Variants in PEDS1 observed in about 807,000 individuals in gnomAD.
PEDS1 encodes CarF homolog.
PEDS1 carries 14 observed loss-of-function variants against 35.2 expected under a neutral mutation model. The ratio of observed to expected loss-of-function variants is 0.40; its 90% confidence interval spans 0.26 to 0.62. The LOEUF is 0.62. PEDS1 is among the 20% of genes least tolerant of loss of function. The probability of loss-of-function intolerance (pLI) is 0.44; values close to 1 mark genes in which losing one functional copy is unlikely to be tolerated. For synonymous variants in PEDS1, 152 were observed against 152.0 expected, an observed-to-expected ratio of 1.00 and a Z score of 0.00; for missense variants, 260 against 367.8, an observed-to-expected ratio of 0.71 and a Z score of 2.40.
chr20:50,145,106 G>A (rs1416834089), intron 1 of PEDS1, among the ~76,000 whole-genome samples: 1 of 152,032 alleles, frequency 6.6e-6, no homozygotes, highest in Non-Finnish European at 1.5e-5. Flanking sequence ...GGAGGCTGAG[G>A]CAAGAGAATC....
intron 5 of PEDS1, among the ~76,000 whole-genome samples, chr20:50,127,340 G>GTTTTTT (rs11471254): frequency 1.1e-4 from 10 of 87,184 alleles, no homozygotes; most frequent in Non-Finnish European, 1.4e-4. Context: ...GTGTTTTCTG[G>GTTTTTT]TTTTTTTTTT....
At chr20:50,142,833 T>C (rs1428124252) in intron 2 of PEDS1, among the ~76,000 whole-genome samples, 1 of 151,412 alleles carries the variant, frequency 6.6e-6, no homozygotes, top group Non-Finnish European at 1.5e-5. Flanking sequence ...GAGTGAGCCA[T>C]GTAGGTGAGA....
intron 5 of PEDS1, among the ~76,000 whole-genome samples, chr20:50,126,023 C>A (rs747122292): frequency 5.3e-5 from 8 of 152,100 alleles, no homozygotes; most frequent in Non-Finnish European, 1.0e-4. Context: ...CCATGACAGG[C>A]CACCCTCTTT....
At position 50,128,432 on chromosome 20, in the gene PEDS1, A is replaced by C. The variant is rs540958738; in HGVS notation, c.479-245T>G. Reference sequence around the variant, plus strand: ...TGGCATAAGCATGGCAATGGCTGGGAATGTAGACCGGAGTCAGCTGGAGCT... The same window carrying C: ...TGGCATAAGCATGGCAATGGCTGGGCATGTAGACCGGAGTCAGCTGGAGCT... On this transcript the variant is annotated intron_variant, in intron 4 of 5. Coordinates refer to ENST00000371652, the MANE Select transcript of PEDS1 (RefSeq NM_199129.4). This position sits in a 1 kb window ranked among gnomAD's most constrained non-coding sequence, Gnocchi z 5.2. 6.6e-6 allele frequency among the ~76,000 whole-genome samples: 1 copy of C among 152,298 alleles called. No individual in the cohort carries two copies. Among genetic ancestry groups the C allele is most frequent in the African/African-American group, 2.4e-5 (1 of 41,568 alleles).
chr20:50,135,889 C>T (rs144921899), intron 2 of PEDS1, among the ~76,000 whole-genome samples: 4 of 152,086 alleles, frequency 2.6e-5, no homozygotes, highest in African/African-American at 7.2e-5. Flanking sequence ...TGCAGTCGTG[C>T]GGATCAGCAG....
At position 50,128,178 on chromosome 20, in the gene PEDS1, T is replaced by G; in HGVS notation, c.488A>C (p.Glu163Ala). The G allele has an allele frequency of 1.2e-6, 2 of 1,613,956 alleles. No individual in the cohort carries two copies. Among genetic ancestry groups the G allele is most frequent in the Non-Finnish European group, 1.7e-6 (2 of 1,179,972 alleles). The change falls in exon 5 of 6, where the codon GAG becomes GCG. Residue 163 changes from glutamate (E) to alanine (A), a missense_variant. By Grantham distance (107) the Glu-to-Ala change is moderately radical. Around this residue, in one of 4 missense-constraint regions of PEDS1, gnomAD observed 29 missense variants for 21.5 expected, o/e 1.35. Coordinates refer to ENST00000371652, the MANE Select transcript of PEDS1 (RefSeq NM_199129.4). The surrounding 1 kb of genome is among the most constrained non-coding windows in gnomAD (Gnocchi z 5.2). Reference sequence around the variant, plus strand: ...GAAGCACTCCCAGGGGTATAGCTGCTCCAGGGCTTCTGCAGGTTGGGGAGA... The same window carrying G: ...GAAGCACTCCCAGGGGTATAGCTGCGCCAGGGCTTCTGCAGGTTGGGGAGA... ...KFRTHSPEAL[E>A]QLYPWECFVF...
Position 50,124,736 on chromosome 20 carries a change from A to G in PEDS1, c.*322T>C. The stretch of plus-strand genomic sequence containing the variant: ...ACTGGCCCCAACGCCAGCCACACTG[A>G]AGGGCTGCCCAGCGGGGCAGGGACG... On this transcript the variant is annotated 3_prime_UTR_variant, in exon 6 of 6. Transcript: ENST00000371652. 3.7e-6 allele frequency: 1 copy of G among 267,558 alleles called. No homozygotes were observed. The highest frequency in any genetic ancestry group is 1.4e-3 in the Middle Eastern group (1 of 726). 16.6% of individuals were successfully genotyped at this position (267,558 alleles called of 1,614,324 possible). A position where few individuals can be genotyped will look rare whatever the true frequency, so the allele number is the denominator to read the frequency against.
At chr20:50,139,810 A>G (rs1202076039) in intron 2 of PEDS1, among the ~76,000 whole-genome samples, 1 of 151,146 alleles carries the variant, frequency 6.6e-6, no homozygotes, top group Non-Finnish European at 1.5e-5. Context: ...CCTCCCCAGT[A>G]GCTGGGATTA....
intron 1 of PEDS1, among the ~76,000 whole-genome samples, chr20:50,148,268 T>C (rs1183594306): frequency 1.3e-5 from 2 of 152,126 alleles, no homozygotes; most frequent in East Asian, 3.9e-4. Context: ...CCAAAGTCAC[T>C]TGAGGGTCAC....
chr20:50,128,233 C>A lies in PEDS1; in HGVS notation c.479-46G>T. On this transcript the variant is annotated intron_variant, in intron 4 of 5. Transcript: ENST00000371652. The surrounding 1 kb of genome is among the most constrained non-coding windows in gnomAD (Gnocchi z 5.2). The stretch of plus-strand genomic sequence containing the variant: ...GGGCCGGCACAGCTGTCACTCGGGA[C>A]GGGGAACCCACCCCAAATGGCCCTC... 1 of 1,606,502 alleles carries A rather than the reference C, an allele frequency of 6.2e-7. No individual in the cohort carries two copies. The highest frequency in any genetic ancestry group is 2.2e-5 in the East Asian group (1 of 44,634).
intron 5 of PEDS1, among the ~76,000 whole-genome samples, chr20:50,125,899 A>T (rs2081098022): frequency 6.6e-6 from 1 of 151,718 alleles, no homozygotes; most frequent in Non-Finnish European, 1.5e-5. Flanking sequence ...CTCTATTTAC[A>T]ATTTTTTTAA....
intron 5 of PEDS1, among the ~76,000 whole-genome samples, chr20:50,125,867 A>G (rs2081097588): frequency 6.6e-6 from 1 of 152,282 alleles, no homozygotes; most frequent in African/African-American, 2.4e-5. Context: ...CTGGGATTAC[A>G]GGCATGAACC....
intron 2 of PEDS1, among the ~76,000 whole-genome samples, chr20:50,141,385 C>T (rs1004203783): frequency 1.3e-5 from 2 of 152,242 alleles, no homozygotes; most frequent in Admixed American, 6.5e-5. Context: ...AACTGACCAG[C>T]GAGGCTGAAG....
At chr20:50,138,897 C>G (rs1295446145) in intron 2 of PEDS1, among the ~76,000 whole-genome samples, 1 of 152,202 alleles carries the variant, frequency 6.6e-6, no homozygotes, top group Non-Finnish European at 1.5e-5. Context: ...CACGGGGGAA[C>G]TTGAGGTAGT....
chr20:50,149,890 C>T (rs559566186), intron 1 of PEDS1, among the ~76,000 whole-genome samples: 5 of 152,298 alleles, frequency 3.3e-5, no homozygotes, highest in African/African-American at 9.6e-5. Flanking sequence ...TACTGCTGCC[C>T]GGTGCCCCGC....
intron 1 of PEDS1, 75 bp downstream of exon 1, chr20:50,153,442 G>A: frequency 8.0e-7 from 1 of 1,246,660 alleles, no homozygotes; most frequent in Admixed American, 4.2e-5. Flanking sequence ...CCCGAGGTTG[G>A]GACTCCAGTC....
At position 50,121,885 on chromosome 20, in the gene PEDS1, T is replaced by C. The variant is rs1284926487; in HGVS notation, c.*3173A>G. The C allele has an allele frequency of 6.6e-6, 1 of 152,156 alleles. No homozygotes were observed. The highest frequency in any genetic ancestry group is 2.4e-5 in the African/African-American group (1 of 41,436). 9.4% of individuals were successfully genotyped at this position (152,156 alleles called of 1,614,324 possible). A position where few individuals can be genotyped will look rare whatever the true frequency, so the allele number is the denominator to read the frequency against. On this transcript the variant is annotated 3_prime_UTR_variant, in exon 6 of 6. Coordinates refer to ENST00000371652, the MANE Select transcript of PEDS1 (RefSeq NM_199129.4). Reference sequence around the variant, plus strand: ...GGCTACTCCTATGGCCTCTAAAGAATTTAGCTGCCTGTCCCATCCACCATT... The same window carrying C: ...GGCTACTCCTATGGCCTCTAAAGAACTTAGCTGCCTGTCCCATCCACCATT...
Position 50,125,121 on chromosome 20 carries a change from G to T in PEDS1, c.750C>A (p.Ile250=), listed in dbSNP as rs751372346. The part of the protein sequence containing the change: ...IGFWRRLEDL[I]QGLTGEKPRA... ...GAGGCTTCTCGCCCGTCAGGCCCTG[G>T]ATGAGGTCCTCCAGGCGTCGCCAGA... Residue 250 remains isoleucine (I), a synonymous_variant, in exon 6 of 6, where the codon ATC becomes ATA. Coordinates refer to ENST00000371652, the MANE Select transcript of PEDS1 (RefSeq NM_199129.4). The T allele has an allele frequency of 5.6e-6, 9 of 1,614,090 alleles. No homozygotes were observed. In the Admixed American group the frequency reaches 1.3e-4, roughly 24 times the overall value.
intron 5 of PEDS1, among the ~76,000 whole-genome samples, chr20:50,127,314 A>ACAAGGG (rs2081117270): frequency 6.7e-6 from 1 of 148,452 alleles, no homozygotes; most frequent in Admixed American, 6.7e-5. Flanking sequence ...GGTGAGTGCC[A>ACAAGGG]CAAGGGCAAG....
Sources: allele counts gnomAD v4.1 joint callset (sites outside exome capture counted in the v4.1 genomes callset), GRCh38; gene constraint gnomAD v4.1.1; regional missense constraint gnomAD v4.1.1; non-coding constraint Gnocchi (gnomAD v3.1); transcripts MANE v1.5; gene names NCBI Gene and HGNC (gene_info 2026-07-23, HGNC 2026-07-21).